The following NAA38 variants were observed in gnomAD, a reference collection of about 807,000 sequenced individuals.
The protein encoded by NAA38 is N-alpha-acetyltransferase 38, NatC auxiliary subunit.
A neutral mutation model predicts 12.6 loss-of-function variants in NAA38; 15 were observed. The observed-to-expected ratio is 1.19, with a 90% CI of 0.79 to 1.83. NAA38 has a LOEUF of 1.83. Ranked by LOEUF, NAA38 falls within the 40% of genes most tolerant of loss-of-function variation. The pLI is 0.00. For missense variants in NAA38, 183 were observed against 171.7 expected (o/e 1.07, Z -0.37); for synonymous variants, 88 against 69.9 (o/e 1.26, Z -1.29).
At chr17:7,885,053 C>A in intron 1 of NAA38, 1 of 1,012,470 alleles carries the variant, frequency 9.9e-7, no homozygotes, top group Non-Finnish European at 1.2e-6. Context: ...GCCGCCACCG[C>A]TGCCCCCGCC....
intron 2 of NAA38, among the ~76,000 whole-genome samples, chr17:7,867,025 G>A (rs1215459553): frequency 1.3e-5 from 2 of 152,210 alleles, no homozygotes; most frequent in Non-Finnish European, 2.9e-5. Flanking sequence ...GCTAAGATTT[G>A]AAGGACAAGG....
intron 1 of NAA38, among the ~76,000 whole-genome samples, chr17:7,884,200 CAG>C (rs1040868346): frequency 1.7e-4 from 25 of 149,948 alleles, no homozygotes; most frequent in African/African-American, 4.9e-4. Context: ...GGGGGTGTAA[CAG>C]GGAGGAGAAT....
chr17:7,858,802 C>T (rs537046156), upstream of NAA38: 2 of 1,560,200 alleles, frequency 1.3e-6, no homozygotes, highest in African/African-American at 1.4e-5. Flanking sequence ...AACACGCTCA[C>T]GTCGCAGGAG....
chr17:7,879,293 T>A (rs1430023368), intron 2 of NAA38, among the ~76,000 whole-genome samples: 3 of 152,206 alleles, frequency 2.0e-5, no homozygotes, highest in African/African-American at 4.8e-5. Flanking sequence ...ATTGCAAGTG[T>A]TTTTTCAGTC....
chr17:7,858,998 G>A, upstream of NAA38: 2 of 597,066 alleles, frequency 3.3e-6, no homozygotes, highest in Non-Finnish European at 5.7e-6. Context: ...GGGAATTCTA[G>A]GAGTGTCTGG....
intron 2 of NAA38, chr17:7,877,120 G>A (rs1967188056): frequency 3.0e-6 from 1 of 338,316 alleles, no homozygotes; most frequent in Non-Finnish European, 5.9e-6. Flanking sequence ...ATCCCATTTG[G>A]CTCCAGTTGC....
At chr17:7,859,735 C>T, upstream of NAA38, 1 of 798,698 alleles carries the variant, frequency 1.3e-6, no homozygotes, top group East Asian at 2.5e-5. Flanking sequence ...TCTCCAGGAG[C>T]TAGCCTGTGC....
intron 2 of NAA38, among the ~76,000 whole-genome samples, chr17:7,870,888 CAA>C (rs34959751): frequency 0.082 from 10,068 of 122,876 alleles, 654 homozygotes; most frequent in East Asian, 0.39. Flanking sequence ...GACTCCACCT[CAA>C]AAAAAAAAAA....
upstream of NAA38, chr17:7,861,014 C>T (rs190178352): frequency 3.8e-4 from 58 of 152,114 alleles, no homozygotes; most frequent in African/African-American, 1.3e-3. Flanking sequence ...AGAGGGAGCT[C>T]GACAGGGGTA....
upstream of NAA38, chr17:7,859,514 C>T (rs62059715): frequency 1.9e-3 from 3,031 of 1,614,064 alleles, 8 homozygotes; most frequent in Admixed American, 2.6e-3. Flanking sequence ...GAATGGGATC[C>T]GGGATGAGGA....
chr17:7,867,503 T>G (rs1225486452), intron 2 of NAA38, among the ~76,000 whole-genome samples: 1 of 152,028 alleles, frequency 6.6e-6, no homozygotes, highest in African/African-American at 2.4e-5. Context: ...CACACCCGGC[T>G]AATTTTTGTA....
upstream of NAA38, chr17:7,859,527 A>C (rs1346280286): frequency 1.9e-6 from 3 of 1,614,182 alleles, no homozygotes; most frequent in South Asian, 3.3e-5. Context: ...GATGAGGAGG[A>C]AGAATTTGAC....
At chr17:7,883,298 C>T (rs1182428090) in exon 2 of NAA38, 1 of 152,080 alleles carries the variant, frequency 6.6e-6, no homozygotes, top group African/African-American at 2.4e-5. Context: ...TCTACTTTAT[C>T]GGATAGTGTT....
At chr17:7,859,344 C>A, upstream of NAA38, 1 of 1,553,772 alleles carries the variant, frequency 6.4e-7, no homozygotes, top group Non-Finnish European at 8.9e-7. Context: ...TATACTCCAT[C>A]CAGAATTCTG....
At chr17:7,883,966 T>G (rs1317029861) in intron 1 of NAA38, among the ~76,000 whole-genome samples, 1 of 152,154 alleles carries the variant, frequency 6.6e-6, no homozygotes. Flanking sequence ...GATGTCAGAC[T>G]GAGCATGAGT....
At chr17:7,878,680 C>T (rs139795179) in intron 2 of NAA38, among the ~76,000 whole-genome samples, 2,711 of 152,144 alleles carry the variant, frequency 0.018, 59 homozygotes, top group African/African-American at 0.057. Context: ...GAGCTGAGAT[C>T]GCGCCATTGC....
chr17:7,884,893 C>CGAG (rs770383628), intron 1 of NAA38: 93 of 1,280,548 alleles, frequency 7.3e-5, no homozygotes, highest in South Asian at 2.1e-4. Context: ...AAGAGGGCGA[C>CGAG]GAGGAGGAGG....
upstream of NAA38, chr17:7,862,492 C>T (rs1168833954): frequency 6.6e-6 from 1 of 152,184 alleles, no homozygotes; most frequent in African/African-American, 2.4e-5. Context: ...AATCCCAGAA[C>T]TTTGGGAGGC....
chr17:7,859,319 C>T, upstream of NAA38: 1 of 1,360,972 alleles, frequency 7.3e-7, no homozygotes, highest in Non-Finnish European at 1.0e-6. Flanking sequence ...ACTTTGATCC[C>T]AGCGTGTGTA....
Sources: allele counts gnomAD v4.1 joint callset (sites outside exome capture counted in the v4.1 genomes callset), GRCh38; gene constraint gnomAD v4.1.1; transcripts MANE v1.5; gene names NCBI Gene and HGNC (gene_info 2026-07-23, HGNC 2026-07-21).